KAZN: variants seen among roughly 807,000 people sequenced by gnomAD.
KAZN encodes the protein kazrin.
KAZN carries 40 observed loss-of-function variants against 87.4 expected under a neutral mutation model. The ratio of observed to expected loss-of-function variants is 0.46; its 90% CI spans 0.36 to 0.60. The LOEUF is 0.60. KAZN is among the 20% of genes least tolerant of loss of function. The probability of loss-of-function intolerance (pLI) is 0.00; values close to 1 mark genes in which losing one functional copy is unlikely to be tolerated. For missense variants in KAZN, 898 were observed against 1,073.9 expected (o/e 0.84, Z 2.29); for synonymous variants, 466 against 458.3 (o/e 1.02, Z -0.22).
chr1:15,100,648 G>A (rs1641019098), intron 10 of KAZN, among the ~76,000 whole-genome samples: 2 of 152,194 alleles, frequency 1.3e-5, no homozygotes, highest in Non-Finnish European at 2.9e-5. Context: ...TGGTACAGGG[G>A]TCATTTCTAT....
chr1:14,244,892 G>A (rs2100589817), intron 2 of KAZN, among the ~76,000 whole-genome samples: 1 of 152,098 alleles, frequency 6.6e-6, no homozygotes, highest in Non-Finnish European at 1.5e-5. Flanking sequence ...GCGAGTTGAG[G>A]CAATTGTAGT....
At position 14,044,004 on chromosome 1, in the gene KAZN, T is replaced by C. The variant is rs555377303; in HGVS notation, c.92-136431T>C. On this transcript the variant is annotated intron_variant, in intron 1 of 16. Transcript: ENST00000636203. The stretch of plus-strand genomic sequence containing the variant: ...TTCTCCCTTGTGTCTCTCATGCAGT[T>C]GGACCAGATGGTGGCTAGGTCTAAA... Among the ~76,000 whole-genome samples, 114 of 152,310 alleles carry C rather than the reference T, an allele frequency of 7.5e-4. No homozygotes were observed. In the South Asian group the frequency reaches 0.023, roughly 31 times the overall value.
chr1:14,330,655 T>C (rs1656786268), intron 2 of KAZN, among the ~76,000 whole-genome samples: 1 of 152,120 alleles, frequency 6.6e-6, no homozygotes, highest in African/African-American at 2.4e-5. Context: ...TCAGGGACTG[T>C]GTCTCTCTGC....
chr1:14,222,239 T>A (rs1647117565), intron 2 of KAZN: 1 of 152,152 alleles, frequency 6.6e-6, no homozygotes, highest in South Asian at 2.1e-4. Flanking sequence ...GGTGATAAGA[T>A]TATTCGTGGG....
chr1:13,941,782 C>T (rs1389617033), intron 1 of KAZN, among the ~76,000 whole-genome samples: 1 of 152,136 alleles, frequency 6.6e-6, no homozygotes, highest in African/African-American at 2.4e-5. Flanking sequence ...CCAACAGCAA[C>T]AACAAAACTC....
intron 4 of KAZN, among the ~76,000 whole-genome samples, chr1:15,051,571 C>A (rs1573194170): frequency 3.3e-5 from 5 of 152,218 alleles, no homozygotes; most frequent in Admixed American, 3.3e-4. Flanking sequence ...GTATTTTTAC[C>A]CTGGACCAAG....
rs191819316 is a variant in KAZN at position 14,745,659 on chromosome 1, A to G, written c.226+146436A>G. 1.2e-4 allele frequency among the ~76,000 whole-genome samples: 19 copies of G among 152,258 alleles called. No individual in the cohort carries two copies. The East Asian group carries it at 3.1e-3, about 25-fold the overall frequency. ...CTAATGTTGTTAGGTTGGTTGGGGG[A>G]AAACAGTGGTTAAATATGGTGGAAG... is the stretch of plus-strand genomic sequence containing the variant. On this transcript the variant is annotated intron_variant, in intron 1 of 14. Transcript: ENST00000376030.
exon 1 of KAZN, chr1:13,893,488 C>A: frequency 2.8e-6 from 3 of 1,085,616 alleles, no homozygotes; most frequent in Non-Finnish European, 3.8e-6. Context: ...AGAAAAACTG[C>A]AAGGAAAGGG....
intron 1 of KAZN, among the ~76,000 whole-genome samples, chr1:14,690,688 C>T (rs984711607): frequency 6.6e-5 from 10 of 152,192 alleles, no homozygotes; most frequent in Admixed American, 6.5e-5. Flanking sequence ...TGCTTTTATT[C>T]AGACCACTAT....
At chr1:14,791,975 G>A (rs1645689562) in intron 1 of KAZN, among the ~76,000 whole-genome samples, 1 of 152,222 alleles carries the variant, frequency 6.6e-6, no homozygotes, top group Admixed American at 6.5e-5. Context: ...ATGCTGCGGG[G>A]ACTTCAGTTG....
chr1:14,813,540 G>A (rs1218302903), intron 1 of KAZN, among the ~76,000 whole-genome samples: 4 of 152,164 alleles, frequency 2.6e-5, no homozygotes, highest in African/African-American at 4.8e-5. Flanking sequence ...GCGACCCCTC[G>A]GTTAATGCCA....
At chr1:14,103,836 C>T (rs1473113767) in intron 1 of KAZN, among the ~76,000 whole-genome samples, 1 of 152,134 alleles carries the variant, frequency 6.6e-6, no homozygotes, top group African/African-American at 2.4e-5. Flanking sequence ...TGCACAGGTT[C>T]CGGGGATTAG....
chr1:14,300,161 C>A (rs1479016206), intron 2 of KAZN, among the ~76,000 whole-genome samples: 1 of 152,124 alleles, frequency 6.6e-6, no homozygotes, highest in Non-Finnish European at 1.5e-5. Flanking sequence ...AGGAGGAGAG[C>A]AGGATATGGG....
intron 1 of KAZN, among the ~76,000 whole-genome samples, chr1:14,747,117 A>G (rs2100466692): frequency 6.6e-6 from 1 of 152,236 alleles, no homozygotes; most frequent in East Asian, 1.9e-4. Context: ...TTCACGTAAC[A>G]TATTGTCCTC....
intron 1 of KAZN, among the ~76,000 whole-genome samples, chr1:14,681,769 C>T (rs1240983312): frequency 7.1e-6 from 1 of 141,526 alleles, no homozygotes; most frequent in Non-Finnish European, 1.5e-5. Flanking sequence ...CTCCGCCTCC[C>T]GCCTCCCGGG....
At chr1:14,145,472 A>G (rs1287847837) in intron 1 of KAZN, among the ~76,000 whole-genome samples, 1 of 151,826 alleles carries the variant, frequency 6.6e-6, no homozygotes, top group Non-Finnish European at 1.5e-5. Flanking sequence ...ACACACCCAC[A>G]CCCCCACACA....
chr1:14,076,856 C>T (rs1379587630), intron 1 of KAZN, among the ~76,000 whole-genome samples: 1 of 152,162 alleles, frequency 6.6e-6, no homozygotes. Context: ...CCCTGAGGCA[C>T]ACTAGGTTCT....
chr1:15,001,590 C>T (rs556203746), intron 2 of KAZN, among the ~76,000 whole-genome samples: 1 of 152,246 alleles, frequency 6.6e-6, no homozygotes, highest in Admixed American at 6.5e-5. Flanking sequence ...GAGCACTTTC[C>T]ACAGAGCCTG....
chr1:15,013,080 G>A (rs1039872753), intron 2 of KAZN, among the ~76,000 whole-genome samples: 1 of 152,178 alleles, frequency 6.6e-6, no homozygotes, highest in African/African-American at 2.4e-5. Flanking sequence ...TGAATTGAGT[G>A]TGGCTCCCCA....
Sources: gnomAD v4.1 joint callset for allele counts (sites outside exome capture counted in the v4.1 genomes callset) on GRCh38, gnomAD v4.1.1 for gene constraint, MANE v1.5 for transcripts, NCBI Gene and HGNC (gene_info 2026-07-23, HGNC 2026-07-21) for gene names.